FBXO5: variants seen among roughly 807,000 people sequenced by gnomAD.
The protein encoded by FBXO5 is F-box protein 5.
In FBXO5, 8 loss-of-function variants were observed where a neutral mutation model predicts 43.3. The observed-to-expected ratio is 0.18, with a 90% CI of 0.11 to 0.33. FBXO5 has a LOEUF of 0.33. Ranked by LOEUF, FBXO5 falls within the 10% of genes least tolerant of loss-of-function variation. FBXO5 has a pLI of 1.00. For missense variants in FBXO5, 491 were observed against 535.7 expected (o/e 0.92, Z 0.82); for synonymous variants, 204 against 193.7 (o/e 1.05, Z -0.44).
At chr6:152,980,755 G>C (rs1778247784) in intron 1 of FBXO5, among the ~76,000 whole-genome samples, 1 of 152,148 alleles carries the variant, frequency 6.6e-6, no homozygotes, top group Non-Finnish European at 1.5e-5. Context: ...TGGATATGAA[G>C]AAAAGGAGAG....
At position 152,971,129 on chromosome 6, in the gene FBXO5, A is replaced by G; in HGVS notation, c.*34T>C. The G allele has an allele frequency of 6.5e-7, 1 of 1,549,322 alleles. No homozygotes were observed. The highest frequency in any genetic ancestry group is 1.2e-5 in the South Asian group (1 of 81,658). On this transcript the variant is annotated 3_prime_UTR_variant, in exon 5 of 5. Transcript: ENST00000229758. ...TAAAACCTAACATTTTCTAACTAAC[A>G]TTCATGATCAGTAACAATTGATTTA...
chr6:152,972,257 T>G lies in FBXO5; in HGVS notation c.1092+15A>C. ...TCTCTTATGTTTTAAGATTTATGAT[T>G]AGACAAAAAATTACCTCAGAGAATT... On this transcript the variant is annotated intron_variant, in intron 4 of 4. Coordinates refer to ENST00000229758, the MANE Select transcript of FBXO5 (RefSeq NM_012177.5). The G allele has an allele frequency of 6.3e-7, 1 of 1,584,542 alleles. No individual in the cohort carries two copies. Among genetic ancestry groups the G allele is most frequent in the South Asian group, 1.1e-5 (1 of 87,048 alleles).
intron 1 of FBXO5, among the ~76,000 whole-genome samples, chr6:152,981,886 T>C (rs751460171): frequency 1.1e-4 from 16 of 152,204 alleles, no homozygotes; most frequent in Non-Finnish European, 2.4e-4. Context: ...ATATAGATTT[T>C]ATTTAGAGGT....
At chr6:152,982,810 C>A (rs1391699208) in intron 1 of FBXO5, 47 bp downstream of exon 1, 4 of 1,330,014 alleles carry the variant, frequency 3.0e-6, no homozygotes, top group South Asian at 1.5e-5. Flanking sequence ...TCCCCGTGCA[C>A]CCCTCCTGGC....
In FBXO5 at chr6:152,970,894, T is replaced by TA. The variant is rs1269435645; in HGVS notation, c.*268dup. ...CCATAAAATTGAATCAATTTTTTTTTACCCTCAGTATCACTATCTACTTTT... is the reference window on the plus strand; with the variant it reads ...CCATAAAATTGAATCAATTTTTTTTTAACCCTCAGTATCACTATCTACTTTT... On this transcript the variant is annotated 3_prime_UTR_variant, in exon 5 of 5. Transcript: ENST00000229758. 1 of 264,874 alleles carries TA rather than the reference T, an allele frequency of 3.8e-6. No homozygotes were observed. The highest frequency in any genetic ancestry group is 4.9e-5 in the Admixed American group (1 of 20,448). 16.4% of individuals were successfully genotyped at this position (264,874 alleles called of 1,614,324 possible).
chr6:152,971,052 C>T lies in FBXO5; in HGVS notation c.*111G>A, dbSNP rs193011491. Reference sequence around the variant, plus strand: ...CTGGGGGGAAAAAAACCTCAGGATACTACACCGATTTCAACATAAAATTGA... The same window carrying T: ...CTGGGGGGAAAAAAACCTCAGGATATTACACCGATTTCAACATAAAATTGA... On this transcript the variant is annotated 3_prime_UTR_variant, in exon 5 of 5. Coordinates refer to ENST00000229758, the MANE Select transcript of FBXO5 (RefSeq NM_012177.5). 47 of 1,125,480 alleles carry T rather than the reference C, an allele frequency of 4.2e-5. No homozygotes were observed. The Middle Eastern group carries it at 1.2e-3, about 29-fold the overall frequency. The allele number at this position is 1,125,480 out of a possible 1,614,324, so 69.7% of individuals were successfully genotyped here. A position where few individuals can be genotyped will look rare whatever the true frequency, so the allele number is the denominator to read the frequency against.
chr6:152,975,498 G>A lies in FBXO5; in HGVS notation c.227C>T (p.Pro76Leu), dbSNP rs556335581. 2.7e-4 allele frequency: 435 copies of A among 1,613,928 alleles called. 6 individuals carry two copies. The South Asian group carries it at 4.6e-3, about 17-fold the overall frequency. The stretch of plus-strand genomic sequence containing the variant: ...TTTACAGGAACCTTCCAAATATGCA[G>A]GGGTGTAGGAAACTAGTCTTCCAAT... ...DDIGRLVSYT[P>L]AYLEGSCKDC... Residue 76 changes from proline (P) to leucine (L), a missense_variant, in exon 2 of 5, where the codon CCT (proline) becomes CTT (leucine). By Grantham distance (98) the Pro-to-Leu change is moderately conservative. Transcript: ENST00000229758.
Position 152,975,585 on chromosome 6 carries a change from A to G in FBXO5, c.140T>C (p.Met47Thr). ...ATGGTTACAATTAAAATCACACTTC[A>G]TTTTGACAGAAAGGGTAGAACTTTC... ...KEESSTLSVK[M>T]KCDFNCNHVH... Residue 47 changes from methionine to threonine, a missense_variant, in exon 2 of 5, where the codon ATG becomes ACG. Physicochemically the swap from Met to Thr is moderately conservative, Grantham distance 81. Coordinates refer to ENST00000229758, the MANE Select transcript of FBXO5 (RefSeq NM_012177.5). 6.2e-7 allele frequency: 1 copy of G among 1,607,342 alleles called. No homozygotes were observed. The highest frequency in any genetic ancestry group is 1.1e-5 in the South Asian group (1 of 89,632).
rs1491205604 is a variant in FBXO5 at position 152,978,377 on chromosome 6, T to TTGGGG, written c.104-2757_104-2756insCCCCA. ...ATTAATCATGGAGAGCTTCATTTTT[T>TTGGGG]GGGGGGGGGGGGGGGGCGGGGGACT... On this transcript the variant is annotated intron_variant, in intron 1 of 4. Coordinates refer to ENST00000229758, the MANE Select transcript of FBXO5 (RefSeq NM_012177.5). Among the ~76,000 whole-genome samples, 5 of 21,126 alleles carry TTGGGG rather than the reference T, an allele frequency of 2.4e-4. 1 individual carries two copies. The highest frequency in any genetic ancestry group is 6.0e-4 in the African/African-American group (3 of 4,984). The allele number at this position is 21,126 out of a possible 152,430, so 13.9% of individuals were successfully genotyped here.
Position 152,978,377 on chromosome 6 carries a change from T to TTG in FBXO5, c.104-2757_104-2756insCA, listed in dbSNP as rs1491205604. ...ATTAATCATGGAGAGCTTCATTTTT[T>TTG]GGGGGGGGGGGGGGGGCGGGGGACT... On this transcript the variant is annotated intron_variant, in intron 1 of 4. Transcript: ENST00000229758. Among the ~76,000 whole-genome samples the TTG allele has an allele frequency of 5.7e-4, 12 of 21,128 alleles. 2 individuals carry two copies. The highest frequency in any genetic ancestry group is 4.9e-3 in the South Asian group (1 of 206). The allele number at this position is 21,128 out of a possible 152,430, so 13.9% of individuals were successfully genotyped here.
intron 3 of FBXO5, 73 bp from the exon 4 acceptor site, chr6:152,972,527 G>A: frequency 9.6e-7 from 1 of 1,046,346 alleles, no homozygotes; most frequent in Non-Finnish European, 1.4e-6. Context: ...TTTTATGTTT[G>A]TACATATAAG....
At chr6:152,979,231 G>A (rs1166243136) in intron 1 of FBXO5, among the ~76,000 whole-genome samples, 3 of 151,944 alleles carry the variant, frequency 2.0e-5, no homozygotes, top group African/African-American at 2.4e-5. Context: ...TTCTGTTCCC[G>A]GGTCTTATCC....
upstream of FBXO5, chr6:152,983,248 C>G: frequency 3.1e-6 from 1 of 324,460 alleles, no homozygotes; most frequent in South Asian, 1.1e-4. Flanking sequence ...TCCCCACGTC[C>G]GGAAAGATGC....
Position 152,975,075 on chromosome 6 carries a change from C to T in FBXO5, c.650G>A (p.Arg217Gln), listed in dbSNP as rs200141737. 6.6e-5 allele frequency: 106 copies of T among 1,614,120 alleles called. No homozygotes were observed. In the East Asian group the frequency reaches 2.1e-3, roughly 32 times the overall value. ...KNAKRNPKVD[R>Q]EMLKEIIARG... Reference sequence around the variant, plus strand: ...GGCTATAATTTCCTTCAGCATCTCCCGATCTACTTTAGGATTTCGTTTTGC... The same window carrying T: ...GGCTATAATTTCCTTCAGCATCTCCTGATCTACTTTAGGATTTCGTTTTGC... Residue 217 changes from arginine (R) to glutamine (Q), a missense_variant, in exon 2 of 5, where the codon CGG (arginine) becomes CAG (glutamine). Coordinates refer to ENST00000229758, the MANE Select transcript of FBXO5 (RefSeq NM_012177.5).
In FBXO5 at chr6:152,975,099, G is replaced by A. The variant is rs749895951; in HGVS notation, c.626C>T (p.Ala209Val). The change falls in exon 2 of 5, where the codon GCA becomes GTA. Residue 209 changes from alanine to valine, a missense_variant. Ala to Val is a moderately conservative substitution (Grantham distance 64). Transcript: ENST00000229758. ...CCGATCTACTTTAGGATTTCGTTTT[G>A]CATTCTTTTTTAATGTTGAACAAAC... ...KVVCSTLKKN[A>V]KRNPKVDREM... The A allele has an allele frequency of 1.2e-6, 2 of 1,614,010 alleles. No individual in the cohort carries two copies. Among genetic ancestry groups the A allele is most frequent in the East Asian group, 2.2e-5 (1 of 44,898 alleles).
chr6:152,979,924 G>A (rs1778235442), intron 1 of FBXO5, among the ~76,000 whole-genome samples: 1 of 152,238 alleles, frequency 6.6e-6, no homozygotes, highest in South Asian at 2.1e-4. Context: ...TTGGAAAAAG[G>A]TATTAAATGA....
Position 152,975,551 on chromosome 6 carries a change from G to A in FBXO5, c.174C>T (p.Ser58=), listed in dbSNP as rs756215134. The change falls in exon 2 of 5, where the codon TCC becomes TCT. Residue 58 remains serine, a synonymous_variant. Transcript: ENST00000229758. The part of the protein sequence containing the change: ...KCDFNCNHVH[S]GLKLVKPDDI... The stretch of plus-strand genomic sequence containing the variant: ...CATCAGGTTTTACCAGTTTAAGTCC[G>A]GAATGAACATGGTTACAATTAAAAT... 2.7e-5 allele frequency: 43 copies of A among 1,612,434 alleles called. No homozygotes were observed. The Middle Eastern group carries it at 1.3e-3, about 50-fold the overall frequency.
chr6:152,980,454 G>A (rs1373333925), intron 1 of FBXO5, among the ~76,000 whole-genome samples: 6 of 152,148 alleles, frequency 3.9e-5, no homozygotes, highest in Admixed American at 1.3e-4. Context: ...AGTTGGGGGA[G>A]GTTATTGAAA....
At chr6:152,983,573 G>A (rs535557749), upstream of FBXO5, 40 of 152,482 alleles carry the variant, frequency 2.6e-4, no homozygotes, top group African/African-American at 7.0e-4. Context: ...GCCTCTCTAG[G>A]ATTTACGCGC....
Sources: allele counts gnomAD v4.1 joint callset (sites outside exome capture counted in the v4.1 genomes callset), GRCh38; gene constraint gnomAD v4.1.1; transcripts MANE v1.5; gene names NCBI Gene and HGNC (gene_info 2026-07-23, HGNC 2026-07-21).